PTPRD: variants seen among roughly 807,000 people sequenced by gnomAD.
PTPRD encodes the protein receptor-type tyrosine-protein phosphatase delta.
A neutral mutation model predicts 214.5 loss-of-function variants in PTPRD; 34 were observed. That is an observed-to-expected ratio of 0.16 (90% CI 0.12 to 0.21). The LOEUF (loss-of-function observed/expected upper bound fraction) is 0.21. PTPRD is among the 10% of genes least tolerant of loss of function. PTPRD has a pLI of 1.00. For missense variants in PTPRD, 2,545 were observed against 2,398.7 expected (o/e 1.06, Z -1.27); for synonymous variants, 1,128 against 845.7 (o/e 1.33, Z -5.79).
intron 5 of PTPRD, among the ~76,000 whole-genome samples, chr9:9,860,411 C>T (rs75190884): frequency 1.3e-5 from 2 of 152,258 alleles, no homozygotes; most frequent in African/African-American, 4.8e-5. Flanking sequence ...GTACATTTGC[C>T]TTATGTGGGT....
rs1461241809 is a variant in PTPRD, at chr9:8,316,111, G to C, written c.*1763C>G. The C allele has an allele frequency of 4.4e-6, 1 of 229,702 alleles. No homozygotes were observed. Among genetic ancestry groups the C allele is most frequent in the African/African-American group, 2.2e-5 (1 of 45,100 alleles). The allele number at this position is 229,702 out of a possible 1,614,324, so 14.2% of individuals were successfully genotyped here. On this transcript the variant is annotated 3_prime_UTR_variant, in exon 46 of 46. Transcript: ENST00000381196. ...AAAACAAGTAGCTTTTTCTGATGTT[G>C]ATGATTGATTATAAAAGGAAGAAGG...
chr9:10,569,278 C>G (rs145136832), intron 2 of PTPRD, among the ~76,000 whole-genome samples: 59 of 152,136 alleles, frequency 3.9e-4, no homozygotes, highest in African/African-American at 1.2e-3. Context: ...ACAACAGGTG[C>G]ATTATTGTTT....
chr9:10,132,226 T>C lies in PTPRD; in HGVS notation c.-544-98436A>G, dbSNP rs554909382. On this transcript the variant is annotated intron_variant, in intron 3 of 45. Coordinates refer to ENST00000381196, the MANE Select transcript of PTPRD (RefSeq NM_002839.4). ...GAAAAATGAAAATGATGTGAGACTT[T>C]CCAGAAATTATAAGTTTCCTTGTAC... Among the ~76,000 whole-genome samples the C allele has an allele frequency of 2.6e-5, 4 of 152,286 alleles. No individual in the cohort carries two copies. In the South Asian group the frequency reaches 8.3e-4, roughly 32 times the overall value.
intron 5 of PTPRD, among the ~76,000 whole-genome samples, chr9:9,773,117 T>G (rs1231672992): frequency 6.6e-6 from 1 of 152,184 alleles, no homozygotes; most frequent in Non-Finnish European, 1.5e-5. Context: ...TGGTTTTAGA[T>G]GAAGAGATAA....
chr9:10,398,569 C>A (rs1428038556), intron 2 of PTPRD, among the ~76,000 whole-genome samples: 2 of 151,828 alleles, frequency 1.3e-5, no homozygotes, highest in Admixed American at 1.3e-4. Flanking sequence ...TAGATATGGA[C>A]CCTGGCACTA....
intron 11 of PTPRD, among the ~76,000 whole-genome samples, chr9:8,843,467 G>C (rs532729311): frequency 3.3e-5 from 5 of 152,254 alleles, no homozygotes; most frequent in Admixed American, 2.6e-4. Context: ...TGGTAGACTA[G>C]GGCTGTCTAA....
chr9:10,238,240 T>C (rs1268204055), intron 3 of PTPRD, among the ~76,000 whole-genome samples: 1 of 151,838 alleles, frequency 6.6e-6, no homozygotes, highest in Non-Finnish European at 1.5e-5. Flanking sequence ...TGTAATTCTC[T>C]CCAAGTCTGG....
chr9:9,328,613 TCTTG>T, intron 9 of PTPRD, among the ~76,000 whole-genome samples: 2 of 137,460 alleles, frequency 1.5e-5, no homozygotes, highest in African/African-American at 5.5e-5. Flanking sequence ...TTGTTGTTGT[TCTTG>T]CTTTTTTTTT....
chr9:8,813,425 A>G (rs998997018), intron 11 of PTPRD, among the ~76,000 whole-genome samples: 2 of 152,276 alleles, frequency 1.3e-5, no homozygotes, highest in Admixed American at 1.3e-4. Context: ...TCCTTCTCCT[A>G]ACGTTTACCA....
chr9:8,763,017 C>G (rs965567973), intron 11 of PTPRD, among the ~76,000 whole-genome samples: 35 of 152,200 alleles, frequency 2.3e-4, no homozygotes, highest in African/African-American at 8.4e-4. Context: ...AATAACCAAC[C>G]TGAGCATTCA....
chr9:9,430,363 T>C lies in PTPRD; in HGVS notation c.-236-32881A>G, dbSNP rs973396788. On this transcript the variant is annotated intron_variant, in intron 8 of 45. Transcript: ENST00000381196. ...CTTACATGGGTTGTGAAGGACCTCT[T>C]CAAGGAGAACTACAAACCACTGCTC... 6.0e-5 allele frequency among the ~76,000 whole-genome samples: 9 copies of C among 151,218 alleles called. No homozygotes were observed. The South Asian group carries it at 8.5e-4, about 14-fold the overall frequency.
At chr9:10,154,485 T>A (rs984518689) in intron 3 of PTPRD, among the ~76,000 whole-genome samples, 1 of 152,194 alleles carries the variant, frequency 6.6e-6, no homozygotes, top group African/African-American at 2.4e-5. Flanking sequence ...CATTTGTCAA[T>A]TTTTGCATTG....
intron 7 of PTPRD, among the ~76,000 whole-genome samples, chr9:9,644,555 A>G (rs2096079662): frequency 6.6e-6 from 1 of 152,232 alleles, no homozygotes; most frequent in African/African-American, 2.4e-5. Context: ...TCTTTGAGAA[A>G]ACCTGAATTT....
At chr9:8,905,840 A>G (rs1174689662) in intron 11 of PTPRD, among the ~76,000 whole-genome samples, 3 of 152,136 alleles carry the variant, frequency 2.0e-5, no homozygotes, top group Non-Finnish European at 4.4e-5. Flanking sequence ...ATATTTCCCA[A>G]TCCAACGAGT....
intron 4 of PTPRD, among the ~76,000 whole-genome samples, chr9:9,961,551 G>C (rs1274345226): frequency 6.6e-6 from 1 of 152,118 alleles, no homozygotes; most frequent in East Asian, 1.9e-4. Flanking sequence ...ATAGCAATTG[G>C]TGTGCTTCAT....
intron 8 of PTPRD, among the ~76,000 whole-genome samples, chr9:9,458,969 A>C (rs2145775551): frequency 6.6e-6 from 1 of 152,142 alleles, no homozygotes; most frequent in Non-Finnish European, 1.5e-5. Flanking sequence ...ACATACACAT[A>C]CACAAAAGAA....
At chr9:10,110,689 T>C (rs2098682830) in intron 3 of PTPRD, among the ~76,000 whole-genome samples, 1 of 152,194 alleles carries the variant, frequency 6.6e-6, no homozygotes, top group Non-Finnish European at 1.5e-5. Flanking sequence ...GACTGGGCAT[T>C]GGCCTATCCA....
chr9:9,246,293 T>G (rs545700133), intron 9 of PTPRD, among the ~76,000 whole-genome samples: 3 of 152,160 alleles, frequency 2.0e-5, no homozygotes, highest in African/African-American at 4.8e-5. Context: ...CAATCTCTTG[T>G]GTGGAATTGT....
At chr9:9,340,395 A>G (rs1038156707) in intron 9 of PTPRD, among the ~76,000 whole-genome samples, 10 of 152,180 alleles carry the variant, frequency 6.6e-5, no homozygotes, top group Non-Finnish European at 1.0e-4. Flanking sequence ...GACTATTTAA[A>G]TCTCTTTTTA....
Sources: allele counts gnomAD v4.1 joint callset (sites outside exome capture counted in the v4.1 genomes callset), GRCh38; gene constraint gnomAD v4.1.1; transcripts MANE v1.5; gene names NCBI Gene and HGNC (gene_info 2026-07-23, HGNC 2026-07-21).